The following GRID2 variants were observed in gnomAD, a reference collection of about 807,000 sequenced individuals.
GRID2 encodes glutamate receptor ionotropic, delta-2.
In GRID2, 33 loss-of-function variants were observed where a neutral mutation model predicts 114.8. The ratio of observed to expected loss-of-function variants is 0.29; its 90% CI spans 0.22 to 0.38. The LOEUF is 0.38. Among genes scored for constraint, GRID2 ranks in the 10% least tolerant of loss-of-function variants. GRID2 has a pLI of 1.00. For missense variants in GRID2, 1,184 were observed against 1,257.7 expected, an observed-to-expected ratio of 0.94 and a Z score of 0.89; for synonymous variants, 505 against 449.9, an observed-to-expected ratio of 1.12 and a Z score of -1.55.
At chr4:93,682,183 C>T (rs1227820374) in intron 14 of GRID2, among the ~76,000 whole-genome samples, 3 of 150,018 alleles carry the variant, frequency 2.0e-5, no homozygotes, top group Non-Finnish European at 3.0e-5. Flanking sequence ...TGAAAAAATG[C>T]TCATCATCAC....
At chr4:92,375,899 G>A (rs994399754) in intron 1 of GRID2, among the ~76,000 whole-genome samples, 2 of 152,172 alleles carry the variant, frequency 1.3e-5, no homozygotes, top group East Asian at 3.9e-4. Flanking sequence ...GCACATTATT[G>A]TATTGAGGTT....
At position 93,667,835 on chromosome 4, in the gene GRID2, G is replaced by A. The variant is rs142595930; in HGVS notation, c.2360+41400G>A. ...ACGATTTTTTCTTTTGTTCAAATTCGCCATGTGAAACAAGATTTAACGTAA... is the reference window on the plus strand; with the variant it reads ...ACGATTTTTTCTTTTGTTCAAATTCACCATGTGAAACAAGATTTAACGTAA... On this transcript the variant is annotated intron_variant, in intron 14 of 15. Coordinates refer to ENST00000282020, the MANE Select transcript of GRID2 (RefSeq NM_001510.4). Among the ~76,000 whole-genome samples the A allele has an allele frequency of 6.3e-3, 960 of 152,000 alleles. 45 individuals are homozygous for A. Among genetic ancestry groups the A allele is most frequent in the Admixed American group, 0.056 (849 of 15,232 alleles).
At chr4:93,190,513 G>A (rs957131874) in intron 4 of GRID2, among the ~76,000 whole-genome samples, 4 of 152,072 alleles carry the variant, frequency 2.6e-5, no homozygotes, top group African/African-American at 9.7e-5. Context: ...AATATTTGAG[G>A]TGTTTCAGAT....
intron 8 of GRID2, among the ~76,000 whole-genome samples, chr4:93,312,722 A>G (rs1251286791): frequency 6.6e-6 from 1 of 152,192 alleles, no homozygotes; most frequent in Non-Finnish European, 1.5e-5. Flanking sequence ...GTCATGCTGC[A>G]TTCTCATGTT....
At chr4:93,525,287 A>G (rs1435657142) in intron 13 of GRID2, among the ~76,000 whole-genome samples, 1 of 152,150 alleles carries the variant, frequency 6.6e-6, no homozygotes, top group African/African-American at 2.4e-5. Context: ...ATAACAAAAA[A>G]ATGGGATAGG....
intron 2 of GRID2, among the ~76,000 whole-genome samples, chr4:92,954,876 T>A (rs1189081075): frequency 1.4e-5 from 2 of 141,422 alleles, no homozygotes; most frequent in Non-Finnish European, 3.0e-5. Context: ...TTTGGTTTTT[T>A]GTTCTTGCGA....
intron 13 of GRID2, among the ~76,000 whole-genome samples, chr4:93,601,101 T>C (rs1185444742): frequency 6.6e-6 from 1 of 152,248 alleles, no homozygotes; most frequent in African/African-American, 2.4e-5. Flanking sequence ...TATTTTTTAA[T>C]GAAAATTCAT....
intron 2 of GRID2, among the ~76,000 whole-genome samples, chr4:92,879,483 A>C (rs928183038): frequency 4.6e-5 from 7 of 152,174 alleles, no homozygotes; most frequent in African/African-American, 1.4e-4. Flanking sequence ...GACTAGTAGC[A>C]GTGTATACCC....
intron 1 of GRID2, among the ~76,000 whole-genome samples, chr4:92,461,663 C>T (rs2149088251): frequency 6.6e-6 from 1 of 151,956 alleles, no homozygotes; most frequent in East Asian, 1.9e-4. Context: ...TCATTTTCTT[C>T]CTGATCTCTT....
intron 1 of GRID2, among the ~76,000 whole-genome samples, chr4:92,390,662 A>G (rs1730196977): frequency 6.6e-6 from 1 of 152,208 alleles, no homozygotes; most frequent in African/African-American, 2.4e-5. Context: ...AATAAAAATT[A>G]GATACTTTCC....
Position 92,923,157 on chromosome 4 carries a change from A to G in GRID2, c.245-161838A>G, listed in dbSNP as rs116020117. ...AGTGTTATATAATCACTATGTAGTA[A>G]TCTTAATGCATATTGGTTTAAATTT... On this transcript the variant is annotated intron_variant, in intron 2 of 15. Coordinates refer to ENST00000282020, the MANE Select transcript of GRID2 (RefSeq NM_001510.4). 5.2e-3 allele frequency among the ~76,000 whole-genome samples: 799 copies of G among 152,298 alleles called. 6 individuals are homozygous for G. The highest frequency in any genetic ancestry group is 0.018 in the African/African-American group (764 of 41,564).
intron 14 of GRID2, among the ~76,000 whole-genome samples, chr4:93,745,019 G>A (rs572737823): frequency 6.6e-6 from 1 of 152,126 alleles, no homozygotes; most frequent in East Asian, 1.9e-4. Flanking sequence ...ACTTTTTTAG[G>A]AATAATGCTA....
chr4:92,845,386 A>G (rs1483818603), intron 2 of GRID2, among the ~76,000 whole-genome samples: 1 of 152,090 alleles, frequency 6.6e-6, no homozygotes. Flanking sequence ...TTCATTCATG[A>G]AATATCTGTA....
At chr4:93,308,892 T>C (rs1241735007) in intron 8 of GRID2, among the ~76,000 whole-genome samples, 2 of 152,144 alleles carry the variant, frequency 1.3e-5, no homozygotes, top group African/African-American at 4.8e-5. Flanking sequence ...CTTTAAGAAA[T>C]ATTTTGAGGG....
chr4:92,609,281 A>C (rs1464913948), intron 2 of GRID2, among the ~76,000 whole-genome samples: 1 of 151,704 alleles, frequency 6.6e-6, no homozygotes, highest in Non-Finnish European at 1.5e-5. Flanking sequence ...TAATTTAATT[A>C]ATGTAACAAA....
intron 10 of GRID2, among the ~76,000 whole-genome samples, chr4:93,449,368 A>G (rs1722465522): frequency 6.6e-6 from 1 of 152,084 alleles, no homozygotes; most frequent in South Asian, 2.1e-4. Flanking sequence ...ACAAAACATG[A>G]AAAACAGAGG....
At chr4:93,143,659 C>A (rs1028884822) in intron 4 of GRID2, among the ~76,000 whole-genome samples, 3 of 152,084 alleles carry the variant, frequency 2.0e-5, no homozygotes, top group Non-Finnish European at 4.4e-5. Context: ...TCACATATAT[C>A]ATTAAACTCA....
At chr4:93,139,659 C>A (rs1735578541) in intron 4 of GRID2, among the ~76,000 whole-genome samples, 1 of 151,886 alleles carries the variant, frequency 6.6e-6, no homozygotes, top group Non-Finnish European at 1.5e-5. Context: ...TTTCCCTTAC[C>A]CTTCCATTCC....
intron 9 of GRID2, among the ~76,000 whole-genome samples, chr4:93,422,453 G>A (rs1158365078): frequency 2.6e-5 from 4 of 152,090 alleles, no homozygotes; most frequent in Non-Finnish European, 5.9e-5. Flanking sequence ...TTTATAGTTT[G>A]TTGAATGATT....
Sources: gnomAD v4.1 joint callset for allele counts (sites outside exome capture counted in the v4.1 genomes callset) on GRCh38, gnomAD v4.1.1 for gene constraint, MANE v1.5 for transcripts, NCBI Gene and HGNC (gene_info 2026-07-23, HGNC 2026-07-21) for gene names.